UNC80: variants seen among roughly 807,000 people sequenced by gnomAD.
The protein encoded by UNC80 is unc-80 subunit of NALCN channel complex, also known as protein unc-80 homolog.
Under a neutral mutation model 384.6 loss-of-function variants are expected in UNC80, and 164 were observed. That is an observed-to-expected ratio of 0.43 (90% confidence interval 0.38 to 0.49). The LOEUF is 0.49. Ranked by LOEUF, UNC80 falls within the 20% of genes least tolerant of loss-of-function variation. The probability of loss-of-function intolerance (pLI) is 0.00; values close to 1 mark genes in which losing one functional copy is unlikely to be tolerated. For synonymous variants in UNC80, 1,486 were observed against 1,527.8 expected (o/e 0.97, Z 0.64); for missense variants, 3,330 against 4,143.0 (o/e 0.80, Z 5.39).
Position 209,842,385 on chromosome 2 carries a change from TG to T in UNC80, c.3396del (p.Pro1133GlnfsTer41), listed in dbSNP as rs1449380239. The T allele has an allele frequency of 1.3e-6, 2 of 1,551,366 alleles. No individual in the cohort carries two copies. The highest frequency in any genetic ancestry group is 3.9e-5 in the Admixed American group (2 of 50,986). On this transcript the variant is annotated frameshift_variant, in exon 21 of 65. Transcript: ENST00000673920. LOFTEE classifies it high-confidence loss of function. ...CTAGTGCTGTGAAGCTTTCTGAAGG[TG>T]GGCCAGGAAGTGGCATGGAAAATGG... Reference protein sequence around the residue: ...FTSAVKLSEGGPGSGMENGRD... With the variant: ...FTSAVKLSEGXPGSGMENGRD...
chr2:209,918,520 G>T lies in UNC80; in HGVS notation c.5212-12G>T, dbSNP rs1255483204. ...TTCCCTCTCACCTAATTTTTCTGAT[G>T]TCAACTAACAGATTCCGCCTCCCAG... On this transcript the variant is annotated splice_polypyrimidine_tract_variant and intron_variant, in intron 32 of 64. Coordinates refer to ENST00000673920, the MANE Select transcript of UNC80 (RefSeq NM_001371986.1). 1 of 1,550,124 alleles carries T rather than the reference G, an allele frequency of 6.5e-7. No homozygotes were observed.
At chr2:209,988,891 T>G (rs2093341455) in intron 61 of UNC80, among the ~76,000 whole-genome samples, 1 of 152,198 alleles carries the variant, frequency 6.6e-6, no homozygotes, top group Middle Eastern at 3.2e-3. Flanking sequence ...GATTATTTAC[T>G]CCTAAATATA....
intron 21 of UNC80, among the ~76,000 whole-genome samples, chr2:209,844,696 C>A (rs1377887704): frequency 1.3e-5 from 2 of 151,526 alleles, no homozygotes; most frequent in Admixed American, 1.3e-4. Context: ...CTCAAATGAT[C>A]GTCCTGCCTC....
chr2:209,822,247 C>T (rs371278151), intron 13 of UNC80, among the ~76,000 whole-genome samples: 2 of 152,224 alleles, frequency 1.3e-5, no homozygotes, highest in East Asian at 3.9e-4. Flanking sequence ...TTAAGTTTCC[C>T]AACACCTTAG....
chr2:209,827,120 T>C (rs1209343541), intron 14 of UNC80, among the ~76,000 whole-genome samples: 1 of 152,166 alleles, frequency 6.6e-6, no homozygotes, highest in East Asian at 1.9e-4. Context: ...TTGAAACTTT[T>C]GACCAAGATC....
intron 43 of UNC80, among the ~76,000 whole-genome samples, chr2:209,940,526 C>A (rs182611064): frequency 1.7e-4 from 26 of 152,250 alleles, no homozygotes; most frequent in Admixed American, 1.6e-3. Context: ...CCAGAAGCTT[C>A]AGACAGGCTG....
rs150525590 is a variant in UNC80, at chr2:209,823,839, T to C, written c.2332-2068T>C. 6.0e-4 allele frequency among the ~76,000 whole-genome samples: 92 copies of C among 152,190 alleles called. 1 individual carries two copies. The highest frequency in any genetic ancestry group is 2.2e-3 in the African/African-American group (90 of 41,538). On this transcript the variant is annotated intron_variant, in intron 13 of 64. Coordinates refer to ENST00000673920, the MANE Select transcript of UNC80 (RefSeq NM_001371986.1). Reference sequence around the variant, plus strand: ...CCAAGGTTATATAGTTAGTAAATGTTGAAGCTAAAATCGGAATTCAAACTA... The same window carrying C: ...CCAAGGTTATATAGTTAGTAAATGTCGAAGCTAAAATCGGAATTCAAACTA...
intron 22 of UNC80, among the ~76,000 whole-genome samples, chr2:209,853,427 T>C (rs549939504): frequency 2.6e-5 from 4 of 152,086 alleles, no homozygotes; most frequent in Non-Finnish European, 5.9e-5. Context: ...CCTGTTTTTT[T>C]TGTTGGTTCT....
intron 7 of UNC80, among the ~76,000 whole-genome samples, chr2:209,799,760 T>C (rs760089687): frequency 2.6e-5 from 4 of 152,200 alleles, no homozygotes; most frequent in Admixed American, 6.5e-5. Context: ...TACCTAGGTA[T>C]TGAGAATTTT....
In UNC80 at chr2:209,976,065, G is replaced by T; in HGVS notation, c.8588-54G>T. ...ATAAAGGGCTCTGGATGTAGGTTGGGTTCCTCGGAAGCACACGTCCGCAGG... is the reference window on the plus strand; with the variant it reads ...ATAAAGGGCTCTGGATGTAGGTTGGTTTCCTCGGAAGCACACGTCCGCAGG... On this transcript the variant is annotated intron_variant, in intron 56 of 64. Transcript: ENST00000673920. The surrounding 1 kb of genome is among the most constrained non-coding windows in gnomAD (Gnocchi z 4.3). The T allele has an allele frequency of 4.7e-6, 7 of 1,501,724 alleles. No individual in the cohort carries two copies. Among genetic ancestry groups the T allele is most frequent in the Non-Finnish European group, 5.3e-6 (6 of 1,125,654 alleles). 93.0% of individuals were successfully genotyped at this position (1,501,724 alleles called of 1,614,324 possible). A position where few individuals can be genotyped will look rare whatever the true frequency, so the allele number is the denominator to read the frequency against.
intron 22 of UNC80, among the ~76,000 whole-genome samples, chr2:209,870,412 A>C (rs980001672): frequency 6.6e-6 from 1 of 152,180 alleles, no homozygotes; most frequent in Admixed American, 6.5e-5. Flanking sequence ...TATTTAGTCT[A>C]TATGGCATGG....
At chr2:209,953,041 T>A (rs2092259207) in intron 47 of UNC80, among the ~76,000 whole-genome samples, 1 of 152,152 alleles carries the variant, frequency 6.6e-6, no homozygotes, top group Non-Finnish European at 1.5e-5. Flanking sequence ...AAATCTTGAT[T>A]TCAGATTCTT....
chr2:209,850,696 G>A (rs2082466020), intron 22 of UNC80, among the ~76,000 whole-genome samples: 1 of 152,050 alleles, frequency 6.6e-6, no homozygotes, highest in Admixed American at 6.6e-5. Flanking sequence ...TCATTATTGG[G>A]TAGTGACCTT....
At chr2:209,922,069 G>A (rs1446671668) in intron 34 of UNC80, among the ~76,000 whole-genome samples, 183 bp from the exon 35 acceptor site, 2 of 152,090 alleles carry the variant, frequency 1.3e-5, no homozygotes, top group Admixed American at 6.6e-5. Flanking sequence ...AACTTCGGGG[G>A]ATATTTTCTG....
intron 4 of UNC80, among the ~76,000 whole-genome samples, chr2:209,783,796 A>G (rs184005814): frequency 6.6e-6 from 1 of 152,308 alleles, no homozygotes. Context: ...CAATAAAACC[A>G]GGTCAATTGA....
chr2:209,918,066 T>C (rs1484567107), intron 32 of UNC80, 108 bp downstream of exon 32: 21 of 1,074,380 alleles, frequency 2.0e-5, no homozygotes, highest in Non-Finnish European at 2.6e-5. Flanking sequence ...ATTCTTCTTT[T>C]TTCTCTCTGA....
At chr2:209,842,566 A>G (rs80303500) in intron 21 of UNC80, 120 bp downstream of exon 21, 12,721 of 747,088 alleles carry the variant, frequency 0.017, 166 homozygotes, top group Non-Finnish European at 0.021. Flanking sequence ...TTTCTCATAC[A>G]TGCCTTTTAC....
intron 4 of UNC80, among the ~76,000 whole-genome samples, chr2:209,784,485 C>A (rs1177773401): frequency 1.3e-5 from 2 of 152,094 alleles, no homozygotes; most frequent in Non-Finnish European, 2.9e-5. Context: ...TGACTCTGGG[C>A]ACACAGTCTC....
intron 3 of UNC80, among the ~76,000 whole-genome samples, chr2:209,777,037 A>C (rs1265796262): frequency 6.6e-6 from 1 of 152,208 alleles, no homozygotes; most frequent in Non-Finnish European, 1.5e-5. Context: ...TGGGTACCTA[A>C]CTGAAGAAAA....
Sources: allele counts gnomAD v4.1 joint callset (sites outside exome capture counted in the v4.1 genomes callset), GRCh38; gene constraint gnomAD v4.1.1; non-coding constraint Gnocchi (gnomAD v3.1); transcripts MANE v1.5; gene names NCBI Gene and HGNC (gene_info 2026-07-23, HGNC 2026-07-21).